The following PCDH9 variants were observed in gnomAD, a reference collection of about 807,000 sequenced individuals.
PCDH9 encodes the protein protocadherin 9, also known as protocadherin-9.
PCDH9 carries 24 observed loss-of-function variants against 70.6 expected under a neutral mutation model. The observed-to-expected ratio is 0.34, with a 90% CI of 0.25 to 0.48. The LOEUF is 0.48. Ranked by LOEUF, PCDH9 falls within the 20% of genes least tolerant of loss-of-function variation. The pLI is 0.99. For synonymous variants in PCDH9, 562 were observed against 558.5 expected, an observed-to-expected ratio of 1.01 and a Z score of -0.09; for missense variants, 1,281 against 1,503.6, an observed-to-expected ratio of 0.85 and a Z score of 2.45.
intron 4 of PCDH9, among the ~76,000 whole-genome samples, chr13:66,397,980 G>T (rs1217232813): frequency 5.3e-5 from 8 of 151,936 alleles, no homozygotes; most frequent in Non-Finnish European, 1.0e-4. Context: ...AATGCCAATA[G>T]ATTTAATTTT....
chr13:66,437,766 T>A (rs1593978880), intron 4 of PCDH9, among the ~76,000 whole-genome samples: 1 of 152,074 alleles, frequency 6.6e-6, no homozygotes. Flanking sequence ...AAAAAATGCA[T>A]GTCTTATGCC....
intron 4 of PCDH9, among the ~76,000 whole-genome samples, chr13:66,504,513 G>C (rs1959193741): frequency 1.3e-5 from 2 of 152,056 alleles, no homozygotes; most frequent in South Asian, 4.1e-4. Flanking sequence ...AAATTGCCCA[G>C]TCAACCCACA....
At chr13:66,479,188 C>A (rs543432722) in intron 4 of PCDH9, among the ~76,000 whole-genome samples, 1 of 152,308 alleles carries the variant, frequency 6.6e-6, no homozygotes, top group South Asian at 2.1e-4. Context: ...TTCAAGCCCA[C>A]CATTGAGACT....
At chr13:66,824,214 A>G (rs924561738) in intron 3 of PCDH9, among the ~76,000 whole-genome samples, 1 of 150,874 alleles carries the variant, frequency 6.6e-6, no homozygotes, top group African/African-American at 2.4e-5. Flanking sequence ...TAACTAATAT[A>G]TTTTCAAAAT....
At chr13:66,879,490 AT>A (rs140682481) in intron 3 of PCDH9, among the ~76,000 whole-genome samples, 5,170 of 152,054 alleles carry the variant, frequency 0.034, 285 homozygotes, top group African/African-American at 0.11. Context: ...GTTGGCTGCC[AT>A]TTTTTTTCTT....
chr13:66,943,264 T>C (rs1270290019), intron 2 of PCDH9, among the ~76,000 whole-genome samples: 1 of 152,034 alleles, frequency 6.6e-6, no homozygotes. Context: ...ATTCACTCTA[T>C]CATTTTTCTA....
chr13:66,934,361 G>A (rs1324757562), intron 2 of PCDH9, among the ~76,000 whole-genome samples: 2 of 151,786 alleles, frequency 1.3e-5, no homozygotes, highest in Admixed American at 1.3e-4. Context: ...GTGAAACCCC[G>A]AAACCCCGTC....
At chr13:66,859,737 G>C (rs898177893) in intron 3 of PCDH9, among the ~76,000 whole-genome samples, 22 of 152,248 alleles carry the variant, frequency 1.4e-4, no homozygotes, top group African/African-American at 5.1e-4. Context: ...AGAAAATACA[G>C]TATAAGAGCA....
intron 4 of PCDH9, among the ~76,000 whole-genome samples, chr13:66,594,258 C>T (rs2077074339): frequency 6.6e-6 from 1 of 151,566 alleles, no homozygotes. Flanking sequence ...CATCATCTTT[C>T]GAATCAAAGG....
chr13:67,039,151 GAATTGGAACTGC>G (rs1185141595), intron 2 of PCDH9, among the ~76,000 whole-genome samples: 2 of 152,146 alleles, frequency 1.3e-5, no homozygotes, highest in African/African-American at 4.8e-5. Flanking sequence ...GATCCTTCTG[GAATTGGAACTGC>G]ATCAGACCAG....
intron 4 of PCDH9, among the ~76,000 whole-genome samples, chr13:66,454,801 T>C (rs901041450): frequency 3.3e-5 from 5 of 152,228 alleles, no homozygotes; most frequent in Admixed American, 6.5e-5. Context: ...TTTAAATGTA[T>C]AGTTGTAAAA....
intron 2 of PCDH9, among the ~76,000 whole-genome samples, chr13:67,077,041 G>A (rs2085891520): frequency 6.6e-6 from 1 of 152,130 alleles, no homozygotes; most frequent in Admixed American, 6.6e-5. Flanking sequence ...CCTTGTTTCT[G>A]AACTTGCTCA....
rs186221178 is a variant in PCDH9, at chr13:67,064,027, T to A, written c.3037-160422A>T. On this transcript the variant is annotated intron_variant, in intron 2 of 4. Transcript: ENST00000377865. ...ATGAATCCCCTCTTTGCTTCTTTTC[T>A]TTGCTTGGATAGTTCTCCTGGCCTC... 5.9e-5 allele frequency among the ~76,000 whole-genome samples: 9 copies of A among 152,294 alleles called. No homozygotes were observed. In the East Asian group the frequency reaches 1.7e-3, roughly 29 times the overall value.
chr13:67,226,266 T>C lies in PCDH9; in HGVS notation c.2175A>G (p.Leu725=). The stretch of plus-strand genomic sequence containing the variant: ...TACCTGTTACTGGATCAATCCGGAA[T>C]AAGCCTTTATTGTTTCCACTCACTA... The part of the protein sequence containing the change: ...YTIVSGNNKG[L]FRIDPVTGNI... Residue 725 remains leucine (L), a synonymous_variant, in exon 2 of 5, where the codon TTA becomes TTG. Transcript: ENST00000377865. This position sits in a 1 kb window ranked among gnomAD's most constrained non-coding sequence, Gnocchi z 5.0. The C allele has an allele frequency of 6.2e-7, 1 of 1,614,212 alleles. No homozygotes were observed. Among genetic ancestry groups the C allele is most frequent in the South Asian group, 1.1e-5 (1 of 91,088 alleles).
chr13:67,119,709 G>A (rs191281731), intron 2 of PCDH9, among the ~76,000 whole-genome samples: 66 of 152,274 alleles, frequency 4.3e-4, no homozygotes, highest in Admixed American at 1.9e-3. Context: ...AATCTACCCT[G>A]AGAAATGGAA....
chr13:66,549,342 C>T (rs962321532), intron 4 of PCDH9, among the ~76,000 whole-genome samples: 1 of 151,736 alleles, frequency 6.6e-6, no homozygotes, highest in African/African-American at 2.4e-5. Context: ...GGTAGAATTG[C>T]TTTTACTTTT....
chr13:66,478,329 AGT>A (rs1390187452), intron 4 of PCDH9, among the ~76,000 whole-genome samples: 8 of 152,194 alleles, frequency 5.3e-5, no homozygotes, highest in Non-Finnish European at 1.5e-5. Context: ...AAATTAGGCC[AGT>A]TAGTAAGCCT....
chr13:67,022,279 C>A (rs921009807), intron 2 of PCDH9, among the ~76,000 whole-genome samples: 1 of 151,388 alleles, frequency 6.6e-6, no homozygotes, highest in East Asian at 1.9e-4. Flanking sequence ...TGCACCACCA[C>A]GCCTGGCTAA....
At chr13:67,016,459 T>C (rs1459417878) in intron 2 of PCDH9, among the ~76,000 whole-genome samples, 1 of 152,190 alleles carries the variant, frequency 6.6e-6, no homozygotes, top group Non-Finnish European at 1.5e-5. Flanking sequence ...AGAGATGAAT[T>C]TGATAAATTG....
Sources: gnomAD v4.1 joint callset for allele counts (sites outside exome capture counted in the v4.1 genomes callset) on GRCh38, gnomAD v4.1.1 for gene constraint, Gnocchi (gnomAD v3.1) non-coding constraint, MANE v1.5 for transcripts, NCBI Gene and HGNC (gene_info 2026-07-23, HGNC 2026-07-21) for gene names.